The following IQSEC1 variants were observed in gnomAD, a reference collection of about 807,000 sequenced individuals.
The protein encoded by IQSEC1 is IQ motif and Sec7 domain ArfGEF 1, also known as IQ motif and SEC7 domain-containing protein 1.
Under a neutral mutation model 91.0 loss-of-function variants are expected in IQSEC1, and 31 were observed. That is an observed-to-expected ratio of 0.34 (90% confidence interval 0.26 to 0.46). The LOEUF is 0.46. IQSEC1 is among the 20% of genes least tolerant of loss of function. The probability of loss-of-function intolerance (pLI) is 1.00; values close to 1 mark genes in which losing one functional copy is unlikely to be tolerated. For missense variants in IQSEC1, 1,388 were observed against 1,575.6 expected (o/e 0.88, Z 2.02); for synonymous variants, 699 against 662.6 (o/e 1.05, Z -0.84).
intron 1 of IQSEC1, among the ~76,000 whole-genome samples, chr3:13,058,890 G>A (rs905515346): frequency 2.0e-5 from 3 of 152,116 alleles, no homozygotes; most frequent in Non-Finnish European, 2.9e-5. Flanking sequence ...GGGTGCCCTC[G>A]GCCCACGGGG....
intron 1 of IQSEC1, among the ~76,000 whole-genome samples, chr3:12,984,815 ATTTTTTTTTTT>A (rs767194681): frequency 1.2e-4 from 12 of 102,232 alleles, no homozygotes; most frequent in Non-Finnish European, 1.7e-4. Flanking sequence ...AAGCAATTAC[ATTTTTTTTTTT>A]TTTTTTTTTT....
intron 1 of IQSEC1, among the ~76,000 whole-genome samples, chr3:13,068,863 T>G (rs184345479): frequency 1.3e-5 from 2 of 152,224 alleles, no homozygotes; most frequent in Non-Finnish European, 2.9e-5. Flanking sequence ...CCATTCCCAT[T>G]GGGCTCTCTA....
intron 1 of IQSEC1, among the ~76,000 whole-genome samples, chr3:13,222,719 G>T (rs1183072881): frequency 6.6e-6 from 1 of 152,212 alleles, no homozygotes; most frequent in Non-Finnish European, 1.5e-5. Context: ...ACAGGCTTGG[G>T]AAACTGATCA....
chr3:12,949,526 T>A (rs1699400910), intron 1 of IQSEC1, among the ~76,000 whole-genome samples: 1 of 152,268 alleles, frequency 6.6e-6, no homozygotes, highest in East Asian at 1.9e-4. Context: ...GCTTCCCCTA[T>A]ACTCTGCTTT....
intron 1 of IQSEC1, among the ~76,000 whole-genome samples, chr3:13,003,276 C>CAAA (rs56239928): frequency 0.3 from 16,846 of 56,780 alleles, 2,182 homozygotes; most frequent in East Asian, 0.65. Flanking sequence ...CTGTCTCTAC[C>CAAA]AAAAAAAAAA....
At chr3:13,133,967 C>G (rs1706665975) in intron 2 of IQSEC1, among the ~76,000 whole-genome samples, 1 of 152,250 alleles carries the variant, frequency 6.6e-6, no homozygotes, top group African/African-American at 2.4e-5. Flanking sequence ...CCCATGATGA[C>G]TCTCAATCTG....
At chr3:12,904,355 G>T (rs1694728723) in intron 12 of IQSEC1, among the ~76,000 whole-genome samples, 1 of 152,254 alleles carries the variant, frequency 6.6e-6, no homozygotes, top group South Asian at 2.1e-4. Flanking sequence ...ACCACTACTG[G>T]GAAAGGGCCA....
At chr3:13,241,621 T>C (rs559733214) in intron 1 of IQSEC1, among the ~76,000 whole-genome samples, 1 of 152,316 alleles carries the variant, frequency 6.6e-6, no homozygotes, top group South Asian at 2.1e-4. Flanking sequence ...GTCCCGAATG[T>C]CCCCACCGTT....
In IQSEC1 at chr3:12,901,450, G is replaced by T; in HGVS notation, c.2878C>A (p.Gln960Lys). The T allele has an allele frequency of 6.5e-7, 1 of 1,549,058 alleles. No individual in the cohort carries two copies. The highest frequency in any genetic ancestry group is 8.7e-7 in the Non-Finnish European group (1 of 1,146,716). Reference sequence around the variant, plus strand: ...AGGGAAGATGAGTTGGGCATAGTCTGGTGTGGGCGAGATGGACACTCTCGT... The same window carrying T: ...AGGGAAGATGAGTTGGGCATAGTCTTGTGTGGGCGAGATGGACACTCTCGT... ...STRECPSRPH[Q>K]TMPNSSSLLG... The change falls in exon 14 of 14, where the codon CAG (glutamine) becomes AAG (lysine). Residue 960 changes from glutamine (Q) to lysine (K), a missense_variant. By Grantham distance (53) the Gln-to-Lys change is moderately conservative. Coordinates refer to ENST00000613206, the MANE Select transcript of IQSEC1 (RefSeq NM_001134382.3).
In IQSEC1 at chr3:13,097,175, A is replaced by G. The variant is rs944107872; in HGVS notation, c.303-49653T>C. On this transcript the variant is annotated intron_variant, in intron 2 of 15. Coordinates refer to the IQSEC1 transcript ENST00000648114. ...GCGCCCGGCCTAGGCCTTTCTTTAC[A>G]TGGCATCCCTTCGCCTCTGCAAACC... Among the ~76,000 whole-genome samples, 7 of 152,058 alleles carry G rather than the reference A, an allele frequency of 4.6e-5. No individual in the cohort carries two copies. In the East Asian group the frequency reaches 1.4e-3, roughly 29 times the overall value.
chr3:13,258,614 A>C (rs1695331137), intron 1 of IQSEC1, among the ~76,000 whole-genome samples: 1 of 152,158 alleles, frequency 6.6e-6, no homozygotes, highest in Non-Finnish European at 1.5e-5. Context: ...TGAGCGCAGG[A>C]AATCGAGGCT....
intron 1 of IQSEC1, among the ~76,000 whole-genome samples, chr3:13,229,546 A>T (rs138618333): frequency 1.4e-3 from 219 of 152,364 alleles, no homozygotes; most frequent in African/African-American, 4.9e-3. Flanking sequence ...AGTGCATTAC[A>T]GACAAATGCA....
intron 1 of IQSEC1, among the ~76,000 whole-genome samples, chr3:13,218,068 C>A (rs889806115): frequency 1.3e-5 from 2 of 152,232 alleles, no homozygotes; most frequent in Non-Finnish European, 2.9e-5. Flanking sequence ...GCTTCCGAGG[C>A]CCCCTGGCAG....
intron 1 of IQSEC1, among the ~76,000 whole-genome samples, chr3:13,204,556 C>T (rs1394714850): frequency 2.0e-5 from 3 of 152,220 alleles, no homozygotes; most frequent in Non-Finnish European, 4.4e-5. Flanking sequence ...CTCAGCTGCC[C>T]CATCTCTGCA....
At chr3:13,215,405 GGCC>G (rs2125067670) in intron 1 of IQSEC1, among the ~76,000 whole-genome samples, 1 of 151,910 alleles carries the variant, frequency 6.6e-6, no homozygotes, top group East Asian at 1.9e-4. Context: ...TTCAGGCTCT[GGCC>G]ATGCCAGACA....
intron 1 of IQSEC1, among the ~76,000 whole-genome samples, chr3:13,054,942 G>C (rs1382195453): frequency 6.6e-6 from 1 of 152,232 alleles, no homozygotes; most frequent in Admixed American, 6.5e-5. Context: ...CTGACGGCTG[G>C]AGGCACCTCA....
chr3:12,900,376 G>A lies in IQSEC1; in HGVS notation c.*607C>T, dbSNP rs113867754. ...GGTACTGTCTTCCTATTAGGTAAGT[G>A]GAGCTCCTTGTAAGGTGGGTATTGC... On this transcript the variant is annotated 3_prime_UTR_variant, in exon 14 of 14. Coordinates refer to ENST00000613206, the MANE Select transcript of IQSEC1 (RefSeq NM_001134382.3). 1.7e-3 allele frequency: 1,626 copies of A among 984,746 alleles called. 1 individual carries two copies. Among genetic ancestry groups the A allele is most frequent in the Non-Finnish European group, 1.9e-3 (1,558 of 829,822 alleles). The allele number at this position is 984,746 out of a possible 1,614,324, so 61.0% of individuals were successfully genotyped here.
At position 12,900,861 on chromosome 3, in the gene IQSEC1, G is replaced by A. The variant is rs992731335; in HGVS notation, c.*122C>T. ...TCCTGGGGCTCCGGTTGGGCCGTGA[G>A]GGGCAGAGGGGAGAGATGGCAACAG... On this transcript the variant is annotated 3_prime_UTR_variant, in exon 14 of 14. Transcript: ENST00000613206. The A allele has an allele frequency of 2.0e-6, 3 of 1,530,320 alleles. No individual in the cohort carries two copies. The African/African-American group carries it at 4.1e-5, about 21-fold the overall frequency. 94.8% of individuals were successfully genotyped at this position (1,530,320 alleles called of 1,614,324 possible).
chr3:13,001,796 C>T (rs138683531), intron 1 of IQSEC1, among the ~76,000 whole-genome samples: 8 of 152,284 alleles, frequency 5.3e-5, no homozygotes, highest in South Asian at 2.1e-4. Flanking sequence ...CGATGGCTCA[C>T]GCCTGTAATC....
Sources: gnomAD v4.1 joint callset for allele counts (sites outside exome capture counted in the v4.1 genomes callset) on GRCh38, gnomAD v4.1.1 for gene constraint, MANE v1.5 for transcripts, NCBI Gene and HGNC (gene_info 2026-07-23, HGNC 2026-07-21) for gene names.